Variants in ARHGAP6 observed in about 807,000 individuals in gnomAD.
ARHGAP6 encodes the protein Rho GTPase activating protein 6.
A neutral mutation model predicts 55.7 loss-of-function variants in ARHGAP6; 16 were observed. That is an observed-to-expected ratio of 0.29 (90% CI 0.19 to 0.44). ARHGAP6 has a LOEUF of 0.44. ARHGAP6 is among the 20% of genes least tolerant of loss of function. ARHGAP6 has a pLI of 1.00. For missense variants in ARHGAP6, 698 were observed against 808.9 expected, an observed-to-expected ratio of 0.86 and a Z score of 1.66; for synonymous variants, 382 against 360.9, an observed-to-expected ratio of 1.06 and a Z score of -0.66.
chrX:11,562,700 T>C (rs1257330907), intron 1 of ARHGAP6, among the ~76,000 whole-genome samples: 2 of 110,671 alleles, frequency 1.8e-5, no homozygotes, highest in African/African-American at 3.3e-5. Flanking sequence ...GTAGCAGGCA[T>C]TACCCTAGAT....
Position 11,144,234 on chromosome X carries a change from A to G in ARHGAP6, c.1922T>C (p.Leu641Pro), listed in dbSNP as rs1283206018. The G allele has an allele frequency of 1.3e-5, 16 of 1,210,159 alleles. No homozygotes were observed. Among genetic ancestry groups the G allele is most frequent in the Admixed American group, 4.4e-5 (2 of 45,868 alleles). Residue 641 changes from leucine to proline, a missense_variant, in exon 11 of 13, where the codon CTG becomes CCG. Transcript: ENST00000337414. ...CACGGAAAAGGAAACTTCCGACTGC[A>G]GCATGTCAGGGCTTCTGGCACAATG... is the stretch of plus-strand genomic sequence containing the variant. ...KASQSSSPDM[L>P]QSEVSFSVGG...
At chrX:11,398,923 T>A (rs1035919141) in intron 1 of ARHGAP6, among the ~76,000 whole-genome samples, 1 of 111,819 alleles carries the variant, frequency 8.9e-6, no homozygotes, top group Admixed American at 9.5e-5. Context: ...TAGCCTAGAG[T>A]CTCAAGAAGC....
chrX:11,591,241 C>T (rs1030027511), intron 1 of ARHGAP6, among the ~76,000 whole-genome samples: 12 of 109,020 alleles, frequency 1.1e-4, no homozygotes, highest in Non-Finnish European at 2.3e-4. Flanking sequence ...TAAATTCCAG[C>T]GTAGCAGTCA....
At chrX:11,427,507 G>T in intron 1 of ARHGAP6, 2 of 938,114 alleles carry the variant, frequency 2.1e-6, no homozygotes, top group African/African-American at 4.1e-5. Flanking sequence ...GAGCGGCCCA[G>T]TGGCGCCCCC....
chrX:11,659,087 G>GT (rs1188700747), intron 1 of ARHGAP6, among the ~76,000 whole-genome samples: 1 of 111,575 alleles, frequency 9.0e-6, no homozygotes, highest in Non-Finnish European at 1.9e-5. Context: ...TCAAAGATGA[G>GT]TAACAGTTCT....
intron 1 of ARHGAP6, among the ~76,000 whole-genome samples, chrX:11,311,859 G>A (rs926564458): frequency 4.5e-5 from 5 of 111,332 alleles, no homozygotes; most frequent in African/African-American, 1.6e-4. Flanking sequence ...AAAAGTGGGG[G>A]GAAATCAAAG....
intron 2 of ARHGAP6, among the ~76,000 whole-genome samples, chrX:11,253,344 T>C (rs2047448033): frequency 9.0e-6 from 1 of 111,227 alleles, no homozygotes; most frequent in African/African-American, 3.3e-5. Context: ...ATATATGAAC[T>C]ATTTATGAAT....
At chrX:11,644,329 T>G (rs183164539) in intron 1 of ARHGAP6, among the ~76,000 whole-genome samples, 302 of 110,940 alleles carry the variant, frequency 2.7e-3, no homozygotes, top group African/African-American at 9.5e-3. Context: ...ACAACCACAC[T>G]GTTACCAGAT....
intron 1 of ARHGAP6, among the ~76,000 whole-genome samples, chrX:11,533,340 C>A (rs2051072144): frequency 8.9e-6 from 1 of 111,817 alleles, no homozygotes; most frequent in East Asian, 2.8e-4. Context: ...CACTTAAGAT[C>A]CTTTATAATT....
chrX:11,466,425 GA>G lies in ARHGAP6; in HGVS notation c.588+197815del, dbSNP rs199805955. Among the ~76,000 whole-genome samples, 614 of 98,637 alleles carry G rather than the reference GA, an allele frequency of 6.2e-3. 1 individual carries two copies. Among genetic ancestry groups the G allele is most frequent in the Middle Eastern group, 0.016 (3 of 192 alleles). 85.7% of individuals were successfully genotyped at this position (98,637 alleles called of 115,157 possible). On this transcript the variant is annotated intron_variant, in intron 1 of 12. Transcript: ENST00000337414. ...CCTTATATAGGTTGAGAAAGAATAT[GA>G]AAAAAAAAAAAACTATTACCACACC...
intron 2 of ARHGAP6, among the ~76,000 whole-genome samples, chrX:11,206,123 T>G (rs1412917247): frequency 8.9e-6 from 1 of 112,075 alleles, no homozygotes; most frequent in Non-Finnish European, 1.9e-5. Flanking sequence ...GTTCTCCATG[T>G]TACCTGAAAT....
At chrX:11,228,973 C>T (rs1340661720) in intron 2 of ARHGAP6, among the ~76,000 whole-genome samples, 1 of 112,273 alleles carries the variant, frequency 8.9e-6, no homozygotes, top group Non-Finnish European at 1.9e-5. Context: ...TGTGAGAAAG[C>T]AGCAATTGCA....
intron 1 of ARHGAP6, among the ~76,000 whole-genome samples, chrX:11,562,541 T>C (rs1174493881): frequency 9.0e-6 from 1 of 111,643 alleles, no homozygotes; most frequent in Non-Finnish European, 1.9e-5. Context: ...ATTTGAATGT[T>C]AGGAAGGTAT....
intron 1 of ARHGAP6, among the ~76,000 whole-genome samples, chrX:11,538,446 T>C (rs1368036495): frequency 9.0e-6 from 1 of 111,596 alleles, no homozygotes. Flanking sequence ...AATGTATCTT[T>C]AGGAGAAGAG....
rs575287419 is a variant in ARHGAP6 at position 11,543,723 on chromosome X, C to T, written c.588+120518G>A. ...GCCACTAGACAAAGCTGAGTTTGGACCCGAGACTGTCTGACTCTAAAGCCT... is the reference window on the plus strand; with the variant it reads ...GCCACTAGACAAAGCTGAGTTTGGATCCGAGACTGTCTGACTCTAAAGCCT... On this transcript the variant is annotated intron_variant, in intron 1 of 12. Coordinates refer to ENST00000337414, the MANE Select transcript of ARHGAP6 (RefSeq NM_013427.3). 1.0e-3 allele frequency among the ~76,000 whole-genome samples: 112 copies of T among 112,032 alleles called. No individual in the cohort carries two copies. In the South Asian group the frequency reaches 0.04, roughly 40 times the overall value.
chrX:11,626,602 A>G (rs2052301584), intron 1 of ARHGAP6, among the ~76,000 whole-genome samples: 1 of 111,984 alleles, frequency 8.9e-6, no homozygotes, highest in Non-Finnish European at 1.9e-5. Context: ...AAATCTAAAA[A>G]TGAAAACACC....
intron 1 of ARHGAP6, among the ~76,000 whole-genome samples, chrX:11,472,265 C>T (rs940145210): frequency 1.8e-5 from 2 of 111,443 alleles, no homozygotes; most frequent in East Asian, 2.8e-4. Context: ...ATCTCCAGAT[C>T]GCCAAATTTG....
chrX:11,198,182 T>C (rs995638776), intron 2 of ARHGAP6, among the ~76,000 whole-genome samples: 2 of 111,759 alleles, frequency 1.8e-5, no homozygotes, highest in African/African-American at 6.5e-5. Flanking sequence ...CACAATATAA[T>C]CAACAGGCAC....
chrX:11,385,848 A>C (rs5933882), intron 1 of ARHGAP6, among the ~76,000 whole-genome samples: 1 of 112,108 alleles, frequency 8.9e-6, no homozygotes, highest in African/African-American at 3.2e-5. Context: ...AAAATGAGAT[A>C]TATAAATTGG....
Sources: gnomAD v4.1 joint callset for allele counts (sites outside exome capture counted in the v4.1 genomes callset) on GRCh38, gnomAD v4.1.1 for gene constraint, MANE v1.5 for transcripts, NCBI Gene and HGNC (gene_info 2026-07-23, HGNC 2026-07-21) for gene names.